BCL2: variants seen among roughly 807,000 people sequenced by gnomAD.
BCL2 encodes the protein apoptosis regulator Bcl-2.
BCL2 carries 1 observed loss-of-function variant against 14.2 expected under a neutral mutation model. The ratio of observed to expected loss-of-function variants is 0.07; its 90% CI spans 0.02 to 0.33. The LOEUF (loss-of-function observed/expected upper bound fraction) is 0.33. Among genes scored for constraint, BCL2 ranks in the 10% least tolerant of loss-of-function variants. BCL2 has a pLI of 0.99. For missense variants in BCL2, 247 were observed against 305.9 expected, an observed-to-expected ratio of 0.81 and a Z score of 1.44; for synonymous variants, 151 against 137.2, an observed-to-expected ratio of 1.10 and a Z score of -0.70.
chr18:63,210,148 A>G (rs1412227036), intron 2 of BCL2, among the ~76,000 whole-genome samples: 1 of 152,196 alleles, frequency 6.6e-6, no homozygotes, highest in Non-Finnish European at 1.5e-5. Flanking sequence ...CAGCCAAGCT[A>G]AAGGCAACTT....
At chr18:63,148,920 A>G (rs779569890) in intron 2 of BCL2, among the ~76,000 whole-genome samples, 4 of 152,174 alleles carry the variant, frequency 2.6e-5, no homozygotes, top group Non-Finnish European at 5.9e-5. Context: ...TAGTTAATCA[A>G]TTATGAAACC....
At chr18:63,242,126 A>AG (rs4987755) in intron 2 of BCL2, among the ~76,000 whole-genome samples, 114,338 of 152,008 alleles carry the variant, frequency 0.75, 45,059 homozygotes, top group Non-Finnish European at 0.87. Context: ...AAGGAAAAAA[A>AG]AATGAAATTT....
At chr18:63,151,871 A>G (rs185266019) in intron 2 of BCL2, among the ~76,000 whole-genome samples, 1 of 152,290 alleles carries the variant, frequency 6.6e-6, no homozygotes, top group East Asian at 1.9e-4. Flanking sequence ...GGTGCACTGA[A>G]CCCTTGGATA....
intron 2 of BCL2, among the ~76,000 whole-genome samples, chr18:63,191,859 A>G (rs1034142394): frequency 2.0e-5 from 3 of 152,250 alleles, no homozygotes; most frequent in African/African-American, 7.2e-5. Context: ...CTAAGCGTTG[A>G]GGCTGAAATA....
intron 2 of BCL2, among the ~76,000 whole-genome samples, chr18:63,141,154 A>G (rs1274003050): frequency 1.3e-5 from 2 of 152,144 alleles, no homozygotes; most frequent in African/African-American, 4.8e-5. Flanking sequence ...GCCGTAGCGA[A>G]CCTCTAAGAA....
intron 2 of BCL2, among the ~76,000 whole-genome samples, chr18:63,293,010 C>G (rs181098511): frequency 1.1e-4 from 16 of 152,168 alleles, no homozygotes; most frequent in Non-Finnish European, 1.0e-4. Context: ...TGTGTCCCCA[C>G]AGGGGAAGTT....
At chr18:63,169,389 T>TTCTCTTTC (rs1218834455) in intron 2 of BCL2, among the ~76,000 whole-genome samples, 3 of 40,768 alleles carry the variant, frequency 7.4e-5, no homozygotes, top group African/African-American at 1.1e-4. Context: ...CTTTCTTTCT[T>TTCTCTTTC]TTTCTTTCTT....
chr18:63,143,112 G>A (rs540402006), intron 2 of BCL2, among the ~76,000 whole-genome samples: 50 of 152,344 alleles, frequency 3.3e-4, no homozygotes, highest in African/African-American at 9.6e-4. Flanking sequence ...AGCTGTTTAC[G>A]GCGAAGGACC....
chr18:63,152,291 G>C (rs752390843), intron 2 of BCL2, among the ~76,000 whole-genome samples: 1 of 152,180 alleles, frequency 6.6e-6, no homozygotes, highest in Admixed American at 6.5e-5. Context: ...GAGCAGAATC[G>C]GAGCCTGCTT....
intron 2 of BCL2, among the ~76,000 whole-genome samples, chr18:63,237,999 C>A (rs1910890316): frequency 6.6e-6 from 1 of 150,976 alleles, no homozygotes; most frequent in Admixed American, 6.6e-5. Flanking sequence ...AGATCCCAGT[C>A]TGAATAAACA....
intron 2 of BCL2, among the ~76,000 whole-genome samples, chr18:63,270,099 T>C (rs77745092): frequency 0.019 from 2,822 of 152,328 alleles, 39 homozygotes; most frequent in Non-Finnish European, 0.032. Flanking sequence ...TTTCACCTAC[T>C]ATTTTCACAA....
intron 2 of BCL2, among the ~76,000 whole-genome samples, chr18:63,158,002 C>G (rs191912219): frequency 6.6e-6 from 1 of 151,452 alleles, no homozygotes; most frequent in Non-Finnish European, 1.5e-5. Flanking sequence ...ATACAGAGTT[C>G]GGCGTAGCAG....
In BCL2 at chr18:63,318,576, C is replaced by G. The variant is rs766508625; in HGVS notation, c.91G>C (p.Asp31His). The G allele has an allele frequency of 2.1e-5, 34 of 1,601,082 alleles. No homozygotes were observed. In the Admixed American group the frequency reaches 5.6e-4, roughly 26 times the overall value. ...GGCGCGGCGCCCACATCTCCCGCATCCCACTCGTAGCCCCTCTGCGACAGC... is the reference window on the plus strand; with the variant it reads ...GGCGCGGCGCCCACATCTCCCGCATGCCACTCGTAGCCCCTCTGCGACAGC... The part of the protein sequence containing the change: ...YKLSQRGYEW[D>H]AGDVGAAPPG... Residue 31 changes from aspartate (D) to histidine (H), a missense_variant, in exon 2 of 3, where the codon GAT becomes CAT. Coordinates refer to ENST00000333681, the MANE Select transcript of BCL2 (RefSeq NM_000633.3). This position sits in a 1 kb window ranked among gnomAD's most constrained non-coding sequence, Gnocchi z 7.4.
In BCL2 at chr18:63,124,497, C is replaced by T. The variant is rs1208609225; in HGVS notation, c.*4128G>A. Reference sequence around the variant, plus strand: ...AAGGTTCTTCGCAGAGGCATCACATCGACCCCAATACAGGTCCTTCATACC... The same window carrying T: ...AAGGTTCTTCGCAGAGGCATCACATTGACCCCAATACAGGTCCTTCATACC... On this transcript the variant is annotated 3_prime_UTR_variant, in exon 3 of 3. Transcript: ENST00000333681. 4 of 231,682 alleles carry T rather than the reference C, an allele frequency of 1.7e-5. No individual in the cohort carries two copies. Among genetic ancestry groups the T allele is most frequent in the Non-Finnish European group, 3.4e-5 (4 of 117,092 alleles). The allele number at this position is 231,682 out of a possible 1,614,324, so 14.4% of individuals were successfully genotyped here.
chr18:63,302,400 T>C, intron 2 of BCL2: 1 of 985,306 alleles, frequency 1.0e-6, no homozygotes, highest in Non-Finnish European at 1.2e-6. Context: ...TTGGGGAGCC[T>C]GATGGTGAAC....
At chr18:63,238,575 G>A (rs1330711630) in intron 2 of BCL2, among the ~76,000 whole-genome samples, 1 of 152,194 alleles carries the variant, frequency 6.6e-6, no homozygotes, top group African/African-American at 2.4e-5. Flanking sequence ...CCGTTTTAGA[G>A]GTAATGCTTT....
chr18:63,272,501 C>T (rs4987739), intron 2 of BCL2, among the ~76,000 whole-genome samples: 7,868 of 152,112 alleles, frequency 0.052, 363 homozygotes, highest in African/African-American at 0.11. Context: ...AATTCTTGCT[C>T]TCCATGTAAA....
At chr18:63,296,872 G>A (rs763697747) in intron 2 of BCL2, among the ~76,000 whole-genome samples, 10 of 152,222 alleles carry the variant, frequency 6.6e-5, no homozygotes, top group Non-Finnish European at 1.3e-4. Flanking sequence ...TGACCACATT[G>A]TGCAATAAAT....
At chr18:63,229,863 T>C (rs1910645447) in intron 2 of BCL2, among the ~76,000 whole-genome samples, 1 of 152,226 alleles carries the variant, frequency 6.6e-6, no homozygotes, top group South Asian at 2.1e-4. Context: ...CAAGGATGGG[T>C]GCCTTGGATA....
Sources: allele counts gnomAD v4.1 joint callset (sites outside exome capture counted in the v4.1 genomes callset), GRCh38; gene constraint gnomAD v4.1.1; non-coding constraint Gnocchi (gnomAD v3.1); transcripts MANE v1.5; gene names NCBI Gene and HGNC (gene_info 2026-07-23, HGNC 2026-07-21).